The following TNFSF8 variants were observed in gnomAD, a reference collection of about 807,000 sequenced individuals.
TNFSF8 encodes TNF superfamily member 8.
TNFSF8 carries 4 observed loss-of-function variants against 22.0 expected under a neutral mutation model. The ratio of observed to expected loss-of-function variants is 0.18; its 90% CI spans 0.09 to 0.42. The LOEUF (loss-of-function observed/expected upper bound fraction) is 0.42. Ranked by LOEUF, TNFSF8 falls within the 10% of genes least tolerant of loss-of-function variation. TNFSF8 has a pLI of 1.00. For synonymous variants in TNFSF8, 106 were observed against 112.5 expected (o/e 0.94, Z 0.37); for missense variants, 233 against 281.8 (o/e 0.83, Z 1.24).
Position 114,902,825 on chromosome 9 carries a change from A to C in TNFSF8, c.*1106T>G. The C allele has an allele frequency of 2.3e-6, 2 of 863,284 alleles. No individual in the cohort carries two copies. The highest frequency in any genetic ancestry group is 2.8e-6 in the Non-Finnish European group (2 of 718,664). The allele number at this position is 863,284 out of a possible 1,614,324, so 53.5% of individuals were successfully genotyped here. A position where few individuals can be genotyped will look rare whatever the true frequency, so the allele number is the denominator to read the frequency against. ...TTTCTAGACTTGGATCCTGAGTTCC[A>C]GGGAGGGGAAGGTATAGTGAATTCT... On this transcript the variant is annotated 3_prime_UTR_variant, in exon 4 of 4. Coordinates refer to ENST00000223795, the MANE Select transcript of TNFSF8 (RefSeq NM_001244.4).
downstream of TNFSF8, among the ~76,000 whole-genome samples, chr9:114,900,475 A>G (rs1015209697): frequency 1.3e-5 from 2 of 152,134 alleles, no homozygotes; most frequent in African/African-American, 4.8e-5. Context: ...AATCTCCATT[A>G]TTTCCCACCA....
chr9:114,912,134 G>GCAGCCT (rs1827859668), intron 2 of TNFSF8, among the ~76,000 whole-genome samples: 1 of 152,166 alleles, frequency 6.6e-6, no homozygotes, highest in Non-Finnish European at 1.5e-5. Flanking sequence ...CAAAAATCAT[G>GCAGCCT]CAGCCTCTTT....
Position 114,930,387 on chromosome 9 carries a change from C to CAGGGGGAGAATCCT in TNFSF8, c.-85_-84insAGGATTCTCCCCCT. On this transcript the variant is annotated 5_prime_UTR_variant, in exon 1 of 4. The change abolishes the stop of an existing upstream ORF in the 5' untranslated region. Transcript: ENST00000223795. ...GCCCATCTCTGTTCCAAGAAGGATT[C>CAGGGGGAGAATCCT]TCCCCCTGAATCCTGAATCATGTGA... 8.7e-7 allele frequency: 1 copy of CAGGGGGAGAATCCT among 1,154,686 alleles called. No individual in the cohort carries two copies. Among genetic ancestry groups the CAGGGGGAGAATCCT allele is most frequent in the Non-Finnish European group, 1.1e-6 (1 of 872,364 alleles). The allele number at this position is 1,154,686 out of a possible 1,614,324, so 71.5% of individuals were successfully genotyped here. A position where few individuals can be genotyped will look rare whatever the true frequency, so the allele number is the denominator to read the frequency against.
At chr9:114,919,097 C>T (rs78229723) in intron 1 of TNFSF8, among the ~76,000 whole-genome samples, 3,949 of 151,238 alleles carry the variant, frequency 0.026, 253 homozygotes, top group East Asian at 0.15. Context: ...CTCTATGTCT[C>T]CTGTGGTTGG....
intron 1 of TNFSF8, among the ~76,000 whole-genome samples, chr9:114,926,987 TTATAA>T (rs1269556854): frequency 2.1e-5 from 3 of 142,750 alleles, no homozygotes; most frequent in Non-Finnish European, 4.5e-5. Context: ...AATATAATAT[TTATAA>T]TATAAAATGT....
Position 114,901,690 on chromosome 9 carries a change from C to G in TNFSF8, c.*2241G>C. 1.5e-5 allele frequency: 15 copies of G among 985,276 alleles called. No homozygotes were observed. The highest frequency in any genetic ancestry group is 1.8e-5 in the Non-Finnish European group (15 of 829,910). 61.0% of individuals were successfully genotyped at this position (985,276 alleles called of 1,614,324 possible). Reference sequence around the variant, plus strand: ...TCTCAAAGTCTGTTTTGTTTTTTACCACAGACCATTTGGCTTGCTGAATTC... The same window carrying G: ...TCTCAAAGTCTGTTTTGTTTTTTACGACAGACCATTTGGCTTGCTGAATTC... On this transcript the variant is annotated 3_prime_UTR_variant, in exon 4 of 4. Transcript: ENST00000223795.
chr9:114,896,507 C>T (rs1827656581), downstream of TNFSF8, among the ~76,000 whole-genome samples: 1 of 152,158 alleles, frequency 6.6e-6, no homozygotes, highest in Non-Finnish European at 1.5e-5. Flanking sequence ...TGAATGTTCT[C>T]ACCTCAAAGA....
Position 114,901,961 on chromosome 9 carries a change from G to C in TNFSF8, c.*1970C>G, listed in dbSNP as rs191156468. ...TTAAATCTTTTCTAGCTTTCCTTCT[G>C]ACAAACTTTGCTGGAGTCCTACTCC... is the stretch of plus-strand genomic sequence containing the variant. On this transcript the variant is annotated 3_prime_UTR_variant, in exon 4 of 4. Transcript: ENST00000223795. 1.0e-6 allele frequency: 1 copy of C among 984,936 alleles called. No homozygotes were observed. The highest frequency in any genetic ancestry group is 6.2e-5 in the Admixed American group (1 of 16,238). 61.0% of individuals were successfully genotyped at this position (984,936 alleles called of 1,614,324 possible). A position where few individuals can be genotyped will look rare whatever the true frequency, so the allele number is the denominator to read the frequency against.
exon 5 of TNFSF8, chr9:114,894,030 G>T: frequency 1.4e-6 from 2 of 1,455,540 alleles, no homozygotes; most frequent in Non-Finnish European, 1.9e-6. Flanking sequence ...AGCAGTGACA[G>T]TGACCCAGGG....
exon 5 of TNFSF8, chr9:114,893,753 T>G: frequency 4.2e-6 from 1 of 237,776 alleles, no homozygotes; most frequent in Non-Finnish European, 8.4e-6. Flanking sequence ...GCCTGAGAGG[T>G]GGGAGTGGGG....
At chr9:114,909,866 G>A (rs1827831368) in intron 2 of TNFSF8, among the ~76,000 whole-genome samples, 1 of 152,224 alleles carries the variant, frequency 6.6e-6, no homozygotes, top group African/African-American at 2.4e-5. Flanking sequence ...GATTTGCATA[G>A]TTTGGAGAAA....
chr9:114,894,109 T>C (rs1827632736), exon 5 of TNFSF8: 5 of 1,535,310 alleles, frequency 3.3e-6, no homozygotes, highest in Non-Finnish European at 4.4e-6. Context: ...GGCAGCAGTG[T>C]CCCTTCCCAG....
At chr9:114,928,683 A>C (rs990398941) in intron 1 of TNFSF8, among the ~76,000 whole-genome samples, 5 of 152,230 alleles carry the variant, frequency 3.3e-5, no homozygotes, top group Non-Finnish European at 7.3e-5. Flanking sequence ...GCAGAAGAAA[A>C]GATGTCCTAA....
At chr9:114,918,773 G>A (rs918094701) in intron 1 of TNFSF8, among the ~76,000 whole-genome samples, 4 of 152,124 alleles carry the variant, frequency 2.6e-5, no homozygotes, top group African/African-American at 9.7e-5. Context: ...GCTAAGTTTT[G>A]TATTTTTAGT....
At chr9:114,904,612 CATATT>C (rs1206020388) in intron 3 of TNFSF8, among the ~76,000 whole-genome samples, 9 of 152,298 alleles carry the variant, frequency 5.9e-5, no homozygotes, top group African/African-American at 1.9e-4. Context: ...GAATCATTAT[CATATT>C]ATATTATTCT....
intron 3 of TNFSF8, among the ~76,000 whole-genome samples, chr9:114,905,171 C>T (rs993848559): frequency 7.9e-5 from 12 of 152,168 alleles, no homozygotes; most frequent in South Asian, 2.1e-4. Context: ...CTTTAAACCT[C>T]GTTGCAATTC....
At chr9:114,923,478 TTTTCTTTC>T (rs71375260) in intron 1 of TNFSF8, among the ~76,000 whole-genome samples, 1,518 of 105,642 alleles carry the variant, frequency 0.014, 32 homozygotes, top group South Asian at 0.072. Context: ...TTTTCTTTCT[TTTTCTTTC>T]TTTCTTTCTT....
At position 114,930,354 on chromosome 9, in the gene TNFSF8, A is replaced by G. The variant is rs1275091265; in HGVS notation, c.-51T>C. ...CACCTTATCTCTCTTCATCTGATTC[A>G]GTTCTGGGCCCATCTCTGTTCCAAG... On this transcript the variant is annotated 5_prime_UTR_variant, in exon 1 of 4. An upstream open reading frame in the 5' UTR loses its in-frame stop. Coordinates refer to ENST00000223795, the MANE Select transcript of TNFSF8 (RefSeq NM_001244.4). 1.5e-6 allele frequency: 2 copies of G among 1,344,126 alleles called. No homozygotes were observed. The highest frequency in any genetic ancestry group is 2.0e-6 in the Non-Finnish European group (2 of 1,023,976). The allele number at this position is 1,344,126 out of a possible 1,614,324, so 83.3% of individuals were successfully genotyped here. A position where few individuals can be genotyped will look rare whatever the true frequency, so the allele number is the denominator to read the frequency against.
chr9:114,903,723 C>T lies in TNFSF8; in HGVS notation c.*208G>A. On this transcript the variant is annotated 3_prime_UTR_variant, in exon 4 of 4. Coordinates refer to ENST00000223795, the MANE Select transcript of TNFSF8 (RefSeq NM_001244.4). Reference sequence around the variant, plus strand: ...TCTGCCCACCACACTACATTGCTTCCCTGCCTGCTATCTGAAAGATACTTC... The same window carrying T: ...TCTGCCCACCACACTACATTGCTTCTCTGCCTGCTATCTGAAAGATACTTC... The T allele has an allele frequency of 1.5e-6, 2 of 1,319,034 alleles. No homozygotes were observed. Among genetic ancestry groups the T allele is most frequent in the East Asian group, 3.0e-5 (1 of 33,706 alleles). 81.7% of individuals were successfully genotyped at this position (1,319,034 alleles called of 1,614,324 possible).
Sources: gnomAD v4.1 joint callset for allele counts (sites outside exome capture counted in the v4.1 genomes callset) on GRCh38, gnomAD v4.1.1 for gene constraint, MANE v1.5 for transcripts, NCBI Gene and HGNC (gene_info 2026-07-23, HGNC 2026-07-21) for gene names.